Variants in STX1A observed in about 807,000 individuals in gnomAD.
STX1A encodes syntaxin 1A.
In STX1A, 4 loss-of-function variants were observed where a neutral mutation model predicts 37.8. The observed-to-expected ratio is 0.11, with a 90% CI of 0.05 to 0.24. The LOEUF (loss-of-function observed/expected upper bound fraction) is 0.24, where lower values mean the gene tolerates loss of function less well. Among genes scored for constraint, STX1A ranks in the 10% least tolerant of loss-of-function variants. The probability of loss-of-function intolerance (pLI) is 1.00; values close to 1 mark genes in which losing one functional copy is unlikely to be tolerated. For synonymous variants in STX1A, 135 were observed against 147.4 expected (o/e 0.92, Z 0.61); for missense variants, 251 against 399.9 (o/e 0.63, Z 3.18).
intron 5 of STX1A, 32 bp downstream of exon 5, chr7:73,704,318 G>T: frequency 6.2e-7 from 1 of 1,614,008 alleles, no homozygotes; most frequent in Middle Eastern, 1.7e-4. Context: ...AGAGACTCAG[G>T]TGCCCGCCCA....
chr7:73,704,522 G>A (rs1798799287), intron 4 of STX1A, 99 bp from the exon 5 acceptor site: 2 of 1,463,606 alleles, frequency 1.4e-6, no homozygotes, highest in South Asian at 1.2e-5. Context: ...ATCCCCTAGG[G>A]TATGTGTGTG....
chr7:73,708,948 G>C (rs1554617531), intron 2 of STX1A, 97 bp downstream of exon 2: 8 of 1,341,986 alleles, frequency 6.0e-6, no homozygotes, highest in Non-Finnish European at 7.5e-6. Context: ...GCTGAGCCAG[G>C]TGCAGGTGTG....
chr7:73,717,959 T>C lies in STX1A; in HGVS notation c.30+1643A>G, dbSNP rs1447664859. Among the ~76,000 whole-genome samples the C allele has an allele frequency of 6.6e-6, 1 of 152,114 alleles. No homozygotes were observed. Among genetic ancestry groups the C allele is most frequent in the African/African-American group, 2.4e-5 (1 of 41,428 alleles). ...TTTGTGCCTCAGTTTCCCCTTCAGC[T>C]AGGGGGATGAAGGCTGACATGCCAG... is the stretch of plus-strand genomic sequence containing the variant. On this transcript the variant is annotated intron_variant, in intron 1 of 9. Coordinates refer to ENST00000222812, the MANE Select transcript of STX1A (RefSeq NM_004603.4). The surrounding 1 kb of genome is among the most constrained non-coding windows in gnomAD (Gnocchi z 4.1).
intron 6 of STX1A, 72 bp downstream of exon 6, chr7:73,704,076 G>T: frequency 6.8e-7 from 1 of 1,467,460 alleles, no homozygotes; most frequent in Non-Finnish European, 9.2e-7. Flanking sequence ...CTTGAGCCAC[G>T]CACTCAGCAG....
At position 73,700,517 on chromosome 7, in the gene STX1A, CAG is replaced by C; in HGVS notation, c.790-35_790-34del. 6.2e-7 allele frequency: 1 copy of C among 1,611,132 alleles called. No homozygotes were observed. The highest frequency in any genetic ancestry group is 8.5e-7 in the Non-Finnish European group (1 of 1,178,658). Reference sequence around the variant, plus strand: ...GGAAGCGGGCAGGAGAGGCCTCAGACAGTGTTGGCGGCAGGTGGGGTGGGACT... The same window carrying C: ...GGAAGCGGGCAGGAGAGGCCTCAGACTGTTGGCGGCAGGTGGGGTGGGACT... On this transcript the variant is annotated intron_variant, in intron 9 of 9. Transcript: ENST00000222812. The surrounding 1 kb of genome is among the most constrained non-coding windows in gnomAD (Gnocchi z 4.4).
intron 1 of STX1A, among the ~76,000 whole-genome samples, chr7:73,716,953 T>C (rs1316586417): frequency 1.3e-5 from 2 of 152,162 alleles, no homozygotes; most frequent in East Asian, 3.9e-4. Flanking sequence ...GCAAGTGGCC[T>C]TTCTGATCTC....
At position 73,702,640 on chromosome 7, in the gene STX1A, C is replaced by A; in HGVS notation, c.678+205G>T. 7.0e-7 allele frequency: 1 copy of A among 1,428,912 alleles called. No individual in the cohort carries two copies. Among genetic ancestry groups the A allele is most frequent in the Non-Finnish European group, 9.2e-7 (1 of 1,087,048 alleles). 88.5% of individuals were successfully genotyped at this position (1,428,912 alleles called of 1,614,324 possible). A position where few individuals can be genotyped will look rare whatever the true frequency, so the allele number is the denominator to read the frequency against. ...GGTGGGGCCATGCAGGGCCTGGGGTCCTTGAAGCTCAAGCAGAGCCATGCA... is the reference window on the plus strand; with the variant it reads ...GGTGGGGCCATGCAGGGCCTGGGGTACTTGAAGCTCAAGCAGAGCCATGCA... On this transcript the variant is annotated intron_variant, in intron 8 of 9. Transcript: ENST00000222812. This position sits in a 1 kb window ranked among gnomAD's most constrained non-coding sequence, Gnocchi z 4.7.
At position 73,709,203 on chromosome 7, in the gene STX1A, A is replaced by C; in HGVS notation, c.31-81T>G. 1 of 1,436,058 alleles carries C rather than the reference A, an allele frequency of 7.0e-7. No individual in the cohort carries two copies. Among genetic ancestry groups the C allele is most frequent in the Non-Finnish European group, 9.7e-7 (1 of 1,034,498 alleles). The allele number at this position is 1,436,058 out of a possible 1,614,324, so 89.0% of individuals were successfully genotyped here. A position where few individuals can be genotyped will look rare whatever the true frequency, so the allele number is the denominator to read the frequency against. On this transcript the variant is annotated intron_variant, in intron 1 of 9. Transcript: ENST00000222812. The surrounding 1 kb of genome is among the most constrained non-coding windows in gnomAD (Gnocchi z 4.2). ...ACGCAGGTGCCCAGGGTACAGCGCCAGGGCCCTGCCCCTCCCCCTCTCCCT... is the reference window on the plus strand; with the variant it reads ...ACGCAGGTGCCCAGGGTACAGCGCCCGGGCCCTGCCCCTCCCCCTCTCCCT...
At position 73,700,495 on chromosome 7, in the gene STX1A, AG is replaced by A. The variant is rs1162992105; in HGVS notation, c.790-12del. ...GATCATGATTTTCTTCTGCATGGGA[AG>A]CGGGCAGGAGAGGCCTCAGACAGTG... On this transcript the variant is annotated splice_polypyrimidine_tract_variant and intron_variant, in intron 9 of 9. Coordinates refer to ENST00000222812, the MANE Select transcript of STX1A (RefSeq NM_004603.4). The surrounding 1 kb of genome is among the most constrained non-coding windows in gnomAD (Gnocchi z 4.4). 1 of 1,613,536 alleles carries A rather than the reference AG, an allele frequency of 6.2e-7. No homozygotes were observed. Among genetic ancestry groups the A allele is most frequent in the African/African-American group, 1.3e-5 (1 of 74,852 alleles).
At chr7:73,716,956 C>G (rs1554618771) in intron 1 of STX1A, among the ~76,000 whole-genome samples, 1 of 152,152 alleles carries the variant, frequency 6.6e-6, no homozygotes, top group African/African-American at 2.4e-5. Context: ...AGTGGCCTTT[C>G]TGATCTCTGA....
chr7:73,704,861 G>A, intron 4 of STX1A: 1 of 550,332 alleles, frequency 1.8e-6, no homozygotes, highest in East Asian at 3.1e-5. Context: ...AGACCAGGAA[G>A]TACTGGCCAC....
rs373848188 is a variant in STX1A at position 73,700,365 on chromosome 7, T to C, written c.*42A>G. 5.2e-5 allele frequency: 83 copies of C among 1,601,916 alleles called. No homozygotes were observed. Among genetic ancestry groups the C allele is most frequent in the Non-Finnish European group, 6.5e-5 (76 of 1,169,294 alleles). On this transcript the variant is annotated 3_prime_UTR_variant, in exon 10 of 10. Coordinates refer to ENST00000222812, the MANE Select transcript of STX1A (RefSeq NM_004603.4). This position sits in a 1 kb window ranked among gnomAD's most constrained non-coding sequence, Gnocchi z 4.4. ...CAGGTGGCAGCAGCCAGGGCCTCCT[T>C]GGAGTGGCCCACCTGGAGTGGAGTG...
intron 1 of STX1A, 125 bp downstream of exon 1, chr7:73,719,477 C>G (rs1799418209): frequency 1.0e-6 from 1 of 983,798 alleles, no homozygotes; most frequent in Admixed American, 4.7e-5. Context: ...CGCCCCGCTC[C>G]CTTCAGCCCT....
chr7:73,711,959 T>C (rs1278184828), intron 1 of STX1A, among the ~76,000 whole-genome samples: 3 of 152,122 alleles, frequency 2.0e-5, no homozygotes, highest in Non-Finnish European at 4.4e-5. Context: ...CCCAGAAGGC[T>C]GAAGGCTGGA....
At chr7:73,712,744 T>C (rs782645531) in intron 1 of STX1A, among the ~76,000 whole-genome samples, 10 of 152,104 alleles carry the variant, frequency 6.6e-5, no homozygotes, top group African/African-American at 1.4e-4. Context: ...CTCCCTGGGG[T>C]ACCCCTGCTA....
At position 73,699,662 on chromosome 7, in the gene STX1A, G is replaced by C. The variant is rs1563564964; in HGVS notation, c.*745C>G. On this transcript the variant is annotated 3_prime_UTR_variant, in exon 10 of 10. Coordinates refer to ENST00000222812, the MANE Select transcript of STX1A (RefSeq NM_004603.4). Reference sequence around the variant, plus strand: ...GGAGCCACCATCCCAAACATGCAACGCTGGCTTGAGGGACTGACTGCAGCC... The same window carrying C: ...GGAGCCACCATCCCAAACATGCAACCCTGGCTTGAGGGACTGACTGCAGCC... 6.6e-6 allele frequency: 1 copy of C among 152,642 alleles called. No individual in the cohort carries two copies. Among genetic ancestry groups the C allele is most frequent in the Non-Finnish European group, 1.5e-5 (1 of 68,194 alleles). 9.5% of individuals were successfully genotyped at this position (152,642 alleles called of 1,614,324 possible).
chr7:73,713,435 T>C (rs1563578429), intron 1 of STX1A, among the ~76,000 whole-genome samples: 1 of 152,160 alleles, frequency 6.6e-6, no homozygotes, highest in Non-Finnish European at 1.5e-5. Flanking sequence ...GCGGGCACTG[T>C]ATACATAAAG....
chr7:73,704,377 G>A lies in STX1A; in HGVS notation c.330C>T (p.Ser110=), dbSNP rs782446724. Residue 110 remains serine, a synonymous_variant, in exon 5 of 10, where the codon TCC becomes TCT. Coordinates refer to ENST00000222812, the MANE Select transcript of STX1A (RefSeq NM_004603.4). The part of the protein sequence containing the change: ...IEQEEGLNRS[S]ADLRIRKTQH... ...GTGTCTTCCGGATCCTCAGGTCAGC[G>A]GAGGAGCGGTTCAGGCCTTCCTCTT... 3 of 1,614,170 alleles carry A rather than the reference G, an allele frequency of 1.9e-6. No individual in the cohort carries two copies. Among genetic ancestry groups the A allele is most frequent in the South Asian group, 1.1e-5 (1 of 91,080 alleles).
At position 73,709,105 on chromosome 7, in the gene STX1A, A is replaced by T; in HGVS notation, c.48T>A (p.Asp16Glu). 1 of 1,613,726 alleles carries T rather than the reference A, an allele frequency of 6.2e-7. No individual in the cohort carries two copies. Among genetic ancestry groups the T allele is most frequent in the South Asian group, 1.1e-5 (1 of 91,080 alleles). ...QELRTAKDSD[D>E]DDDVAVTVDR... The stretch of plus-strand genomic sequence containing the variant: ...CCACGGTGACAGCGACATCATCATC[A>T]TCATCGCTGTCCTTGGCCTGTGCGG... Residue 16 changes from aspartate (D) to glutamate (E), a missense_variant, in exon 2 of 10, where the codon GAT becomes GAA. Asp to Glu is a conservative substitution (Grantham distance 45, BLOSUM62 2). Coordinates refer to ENST00000222812, the MANE Select transcript of STX1A (RefSeq NM_004603.4). This position sits in a 1 kb window ranked among gnomAD's most constrained non-coding sequence, Gnocchi z 4.2.
Sources: allele counts gnomAD v4.1 joint callset (sites outside exome capture counted in the v4.1 genomes callset), GRCh38; gene constraint gnomAD v4.1.1; non-coding constraint Gnocchi (gnomAD v3.1); transcripts MANE v1.5; gene names NCBI Gene and HGNC (gene_info 2026-07-23, HGNC 2026-07-21).